Variants in ACAP3 observed in about 807,000 individuals in gnomAD.
ACAP3 encodes ArfGAP with coiled-coil, ankyrin repeat and PH domains 3, also known as arf-GAP with coiled-coil, ANK repeat and PH domain-containing protein 3.
A neutral mutation model predicts 104.1 loss-of-function variants in ACAP3; 56 were observed. The observed-to-expected ratio is 0.54, with a 90% CI of 0.43 to 0.67. The LOEUF (loss-of-function observed/expected upper bound fraction) is 0.67. ACAP3 is among the 30% of genes least tolerant of loss of function. The pLI, the probability that ACAP3 is intolerant of heterozygous loss-of-function variation, is 0.00. For synonymous variants in ACAP3, 628 were observed against 496.2 expected (o/e 1.27, Z -3.53); for missense variants, 1,208 against 1,174.9 (o/e 1.03, Z -0.41).
At position 1,303,886 on chromosome 1, in the gene ACAP3, CA is replaced by C; in HGVS notation, c.105+199del. The C allele has an allele frequency of 1.5e-6, 1 of 678,386 alleles. No homozygotes were observed. The highest frequency in any genetic ancestry group is 2.5e-6 in the Non-Finnish European group (1 of 402,950). 42.0% of individuals were successfully genotyped at this position (678,386 alleles called of 1,614,324 possible). ...AGCCCCTCCCAGATGGGACGAGACT[CA>C]GGGCCAGCCACATGTGTGCATGTGA... On this transcript the variant is annotated intron_variant, in intron 2 of 23. Coordinates refer to ENST00000354700, the MANE Select transcript of ACAP3 (RefSeq NM_030649.3). The surrounding 1 kb of genome is among the most constrained non-coding windows in gnomAD (Gnocchi z 4.0).
In ACAP3 at chr1:1,302,998, G is replaced by A. The variant is rs770487671; in HGVS notation, c.226-23C>T. ...TTCCTGGAGGAGCAGATGGGAACCC[G>A]TGCTGAGATGGCAAATCCGGGCCCA... On this transcript the variant is annotated intron_variant, in intron 3 of 23. Transcript: ENST00000354700. 23 of 1,602,794 alleles carry A rather than the reference G, an allele frequency of 1.4e-5. 1 individual carries two copies. The highest frequency in any genetic ancestry group is 1.7e-4 in the Middle Eastern group (1 of 6,040).
At chr1:1,297,183 C>A (rs1220929735) in intron 14 of ACAP3, among the ~76,000 whole-genome samples, 2 of 136,920 alleles carry the variant, frequency 1.5e-5, no homozygotes, top group Admixed American at 7.0e-5. Context: ...CAGGGGCCAT[C>A]CCCAGTGGCA....
intron 1 of ACAP3, among the ~76,000 whole-genome samples, chr1:1,306,675 C>T (rs542859924): frequency 2.0e-5 from 3 of 152,350 alleles, no homozygotes; most frequent in Admixed American, 6.5e-5. Flanking sequence ...TGCACACCCA[C>T]ACATACACAA....
Position 1,303,150 on chromosome 1 carries a change from T to C in ACAP3, c.225+12A>G, listed in dbSNP as rs1379123049. ...ACCCCACCTTGAGGTCAGAGGTCAGTCGGCCCCTCACCGAGATGACGGTGT... is the reference window on the plus strand; with the variant it reads ...ACCCCACCTTGAGGTCAGAGGTCAGCCGGCCCCTCACCGAGATGACGGTGT... On this transcript the variant is annotated intron_variant, in intron 3 of 23. Coordinates refer to ENST00000354700, the MANE Select transcript of ACAP3 (RefSeq NM_030649.3). This position sits in a 1 kb window ranked among gnomAD's most constrained non-coding sequence, Gnocchi z 4.0. 6.3e-7 allele frequency: 1 copy of C among 1,588,596 alleles called. No individual in the cohort carries two copies. The highest frequency in any genetic ancestry group is 8.6e-7 in the Non-Finnish European group (1 of 1,168,400).
At chr1:1,307,661 G>C (rs1570674672) in intron 1 of ACAP3, 108 bp downstream of exon 1, 3 of 1,001,880 alleles carry the variant, frequency 3.0e-6, no homozygotes, top group Non-Finnish European at 3.6e-6. Flanking sequence ...GCCCCTCCCC[G>C]GCGGCCGCGG....
At position 1,299,269 on chromosome 1, in the gene ACAP3, G is replaced by A. The variant is rs1641339328; in HGVS notation, c.750+76C>T. On this transcript the variant is annotated intron_variant, in intron 10 of 23. Transcript: ENST00000354700. ...TGTCCTTGGTGCTGAAGTGCCCTTG[G>A]GGTAGAGGAGGGAAAGGCACCGCCC... is the stretch of plus-strand genomic sequence containing the variant. 5 of 1,540,312 alleles carry A rather than the reference G, an allele frequency of 3.2e-6. No individual in the cohort carries two copies. The Admixed American group carries it at 9.3e-5, about 29-fold the overall frequency.
chr1:1,298,195 C>T (rs1206382423), intron 12 of ACAP3, 82 bp from the exon 13 acceptor site: 23 of 1,560,696 alleles, frequency 1.5e-5, no homozygotes, highest in South Asian at 4.6e-5. Context: ...CTTGGAGACC[C>T]GGAGGCCGAC....
At chr1:1,299,030 A>T in intron 10 of ACAP3, 1 of 558,230 alleles carries the variant, frequency 1.8e-6, no homozygotes, top group South Asian at 2.2e-5. Context: ...GGGCGGACAG[A>T]GCCCCATTCA....
intron 1 of ACAP3, 38 bp from the exon 2 acceptor site, chr1:1,304,181 C>T (rs1291650128): frequency 6.5e-7 from 1 of 1,549,716 alleles, no homozygotes; most frequent in Admixed American, 2.0e-5. Flanking sequence ...TCACCTGCAG[C>T]CTCAGCCCCC....
chr1:1,301,727 T>A (rs1641454386), intron 5 of ACAP3: 33 of 288,934 alleles, frequency 1.1e-4, no homozygotes, highest in Middle Eastern at 1.9e-3. Context: ...ACCCCAGCCA[T>A]GCCCCAGACT....
chr1:1,293,426 C>T lies in ACAP3; in HGVS notation c.*138G>A, dbSNP rs887751896. The T allele has an allele frequency of 1.1e-6, 1 of 897,178 alleles. No individual in the cohort carries two copies. Among genetic ancestry groups the T allele is most frequent in the Non-Finnish European group, 1.5e-6 (1 of 684,826 alleles). The allele number at this position is 897,178 out of a possible 1,614,324, so 55.6% of individuals were successfully genotyped here. On this transcript the variant is annotated 3_prime_UTR_variant, in exon 24 of 24. Transcript: ENST00000354700. ...CGCTCTCCTCCTGGGCGAGCAGGGCCGCGGCGCCCCAGCACTGGGGCTGCC... is the reference window on the plus strand; with the variant it reads ...CGCTCTCCTCCTGGGCGAGCAGGGCTGCGGCGCCCCAGCACTGGGGCTGCC...
At position 1,296,085 on chromosome 1, in the gene ACAP3, C is replaced by A; in HGVS notation, c.1432G>T (p.Ala478Ser). The A allele has an allele frequency of 1.2e-6, 2 of 1,612,792 alleles. No individual in the cohort carries two copies. The highest frequency in any genetic ancestry group is 1.7e-6 in the Non-Finnish European group (2 of 1,179,976). Residue 478 changes from alanine to serine, a missense_variant, in exon 17 of 24, where the codon GCT (alanine) becomes TCT (serine). Transcript: ENST00000354700. The part of the protein sequence containing the change: ...LKLMCELGNS[A>S]VNQIYEAQCE... ...TGGGCCTCATAGATCTGATTCACAG[C>A]GCTGTTTCCAAGCTCACACATCAGC...
intron 19 of ACAP3, 28 bp downstream of exon 19, chr1:1,295,419 C>CA (rs1641082688): frequency 3.1e-6 from 5 of 1,604,532 alleles, no homozygotes; most frequent in Non-Finnish European, 4.3e-6. Context: ...CCTGCCCTGC[C>CA]ACCTGGCTGG....
rs1055863005 is a variant in ACAP3, at chr1:1,295,989, C to T, written c.1502+26G>A. 3 of 1,612,748 alleles carry T rather than the reference C, an allele frequency of 1.9e-6. No individual in the cohort carries two copies. The East Asian group carries it at 6.7e-5, about 36-fold the overall frequency. On this transcript the variant is annotated intron_variant, in intron 17 of 23. Transcript: ENST00000354700. The stretch of plus-strand genomic sequence containing the variant: ...GTGCCCCCAGGCTGGGGCTCCCTGA[C>T]TGATCCAGACTGTACCCCACCTCAC...
intron 1 of ACAP3, among the ~76,000 whole-genome samples, chr1:1,306,860 G>A (rs746790942): frequency 3.9e-5 from 6 of 152,336 alleles, no homozygotes; most frequent in South Asian, 4.1e-4. Context: ...AACACAGTAC[G>A]TGAACCCACA....
chr1:1,304,301 G>T, intron 1 of ACAP3, 158 bp from the exon 2 acceptor site: 1 of 898,998 alleles, frequency 1.1e-6, no homozygotes, highest in Non-Finnish European at 1.7e-6. Context: ...GCAGGACTGG[G>T]ACCAGGTTCA....
At chr1:1,298,344 G>C (rs1464700630) in intron 12 of ACAP3, 26 bp downstream of exon 12, 6 of 1,605,688 alleles carry the variant, frequency 3.7e-6, no homozygotes, top group Non-Finnish European at 5.1e-6. Context: ...AGCCATCAGG[G>C]CCCCAGCCCC....
At chr1:1,294,274 T>C in intron 21 of ACAP3, 75 bp from the exon 22 acceptor site, 2 of 1,516,408 alleles carry the variant, frequency 1.3e-6, no homozygotes, top group Non-Finnish European at 1.8e-6. Flanking sequence ...GACCCCGGCC[T>C]TGGGCGCCCC....
chr1:1,304,137 G>C lies in ACAP3; in HGVS notation c.54C>G (p.Thr18=). 1 of 1,550,646 alleles carries C rather than the reference G, an allele frequency of 6.4e-7. No homozygotes were observed. ...CCACGTCCGTCTCCACCTCGTCAAT[G>C]GTCGCCCTAAAGCAAGAACGGGGCT... ...CVKDSPRFRA[T]IDEVETDVVE... Residue 18 remains threonine, a synonymous_variant, in exon 2 of 24, where the codon ACC becomes ACG. Transcript: ENST00000354700.
Sources: allele counts gnomAD v4.1 joint callset (sites outside exome capture counted in the v4.1 genomes callset), GRCh38; gene constraint gnomAD v4.1.1; non-coding constraint Gnocchi (gnomAD v3.1); transcripts MANE v1.5; gene names NCBI Gene and HGNC (gene_info 2026-07-23, HGNC 2026-07-21).